Variants in SDK1 observed in about 807,000 individuals in gnomAD.
SDK1 encodes protein sidekick-1.
A neutral mutation model predicts 245.5 loss-of-function variants in SDK1; 157 were observed. That is an observed-to-expected ratio of 0.64 (90% confidence interval 0.56 to 0.73). The LOEUF is 0.73. Ranked by LOEUF, SDK1 falls within the 30% of genes least tolerant of loss-of-function variation. The pLI, the probability that SDK1 is intolerant of heterozygous loss-of-function variation, is 0.00. For missense variants in SDK1, 3,583 were observed against 3,002.3 expected, an observed-to-expected ratio of 1.19 and a Z score of -4.52; for synonymous variants, 1,647 against 1,278.5, an observed-to-expected ratio of 1.29 and a Z score of -6.15.
chr7:3,489,612 AAGATGTGATT>A (rs1238482603), intron 1 of SDK1, among the ~76,000 whole-genome samples: 18 of 152,224 alleles, frequency 1.2e-4, no homozygotes, highest in Non-Finnish European at 2.5e-4. Context: ...AGTGTAACTC[AAGATGTGATT>A]AGCTACCCAG....
intron 35 of SDK1, among the ~76,000 whole-genome samples, chr7:4,194,226 G>T (rs117104394): frequency 0.047 from 6,954 of 146,666 alleles, 333 homozygotes; most frequent in Non-Finnish European, 0.057. Context: ...ATGTATACAC[G>T]TATGTGTATA....
At chr7:3,562,193 A>G (rs1030709039) in intron 1 of SDK1, among the ~76,000 whole-genome samples, 29 of 152,246 alleles carry the variant, frequency 1.9e-4, no homozygotes, top group African/African-American at 6.8e-4. Flanking sequence ...TCCAAGTGCA[A>G]GACAGACTCT....
At chr7:3,814,101 A>G (rs1779451010) in intron 4 of SDK1, among the ~76,000 whole-genome samples, 1 of 139,666 alleles carries the variant, frequency 7.2e-6, no homozygotes, top group African/African-American at 2.8e-5. Context: ...TGCTGTGCAG[A>G]AGCTCTTTAG....
intron 1 of SDK1, among the ~76,000 whole-genome samples, chr7:3,526,021 G>C (rs961462885): frequency 6.6e-6 from 1 of 152,090 alleles, no homozygotes; most frequent in Admixed American, 6.5e-5. Context: ...AATCACCTGA[G>C]GTCGGGAGTT....
intron 2 of SDK1, among the ~76,000 whole-genome samples, chr7:3,637,882 C>T (rs759183035): frequency 6.6e-6 from 1 of 152,252 alleles, no homozygotes; most frequent in South Asian, 2.1e-4. Context: ...GCCCTGATGG[C>T]ATTGCTTTCT....
At chr7:3,836,740 A>G (rs1780036438) in intron 5 of SDK1, among the ~76,000 whole-genome samples, 1 of 152,234 alleles carries the variant, frequency 6.6e-6, no homozygotes, top group South Asian at 2.1e-4. Context: ...TTCCACAATG[A>G]GTATTTTCCC....
At chr7:3,438,384 C>T (rs184340527) in intron 1 of SDK1, among the ~76,000 whole-genome samples, 1 of 152,148 alleles carries the variant, frequency 6.6e-6, no homozygotes, top group African/African-American at 2.4e-5. Context: ...ATAATTTCTT[C>T]TTTACAATGA....
chr7:3,460,307 A>T (rs1780793715), intron 1 of SDK1, among the ~76,000 whole-genome samples: 1 of 152,206 alleles, frequency 6.6e-6, no homozygotes, highest in Admixed American at 6.5e-5. Flanking sequence ...GCTCTGAGAA[A>T]GAAATGAGTG....
intron 1 of SDK1, among the ~76,000 whole-genome samples, chr7:3,375,376 A>G (rs993231618): frequency 3.3e-5 from 5 of 152,304 alleles, no homozygotes; most frequent in South Asian, 2.1e-4. Flanking sequence ...TGTGTGTTCA[A>G]TGTATTTCAT....
At chr7:3,703,392 A>T (rs1379369921) in intron 4 of SDK1, among the ~76,000 whole-genome samples, 1 of 152,248 alleles carries the variant, frequency 6.6e-6, no homozygotes, top group East Asian at 1.9e-4. Context: ...GATTACATTT[A>T]TGTAACATTC....
chr7:3,676,437 T>G (rs921822138), intron 4 of SDK1, among the ~76,000 whole-genome samples: 11 of 150,292 alleles, frequency 7.3e-5, no homozygotes, highest in South Asian at 2.1e-4. Flanking sequence ...ACCATTCTCC[T>G]GCCTCAGCTT....
At chr7:4,056,952 C>T (rs557769885) in intron 19 of SDK1, among the ~76,000 whole-genome samples, 137 of 152,330 alleles carry the variant, frequency 9.0e-4, no homozygotes, top group African/African-American at 3.1e-3. Flanking sequence ...ACCACCACCA[C>T]TGCTGGCTGC....
intron 4 of SDK1, among the ~76,000 whole-genome samples, chr7:3,769,116 C>G (rs914133372): frequency 6.6e-6 from 1 of 152,176 alleles, no homozygotes; most frequent in Non-Finnish European, 1.5e-5. Flanking sequence ...ATTGCATGCA[C>G]TTTTAAGAAG....
intron 4 of SDK1, among the ~76,000 whole-genome samples, chr7:3,804,976 T>C (rs1391017818): frequency 1.3e-5 from 2 of 152,168 alleles, no homozygotes; most frequent in African/African-American, 2.4e-5. Context: ...TGACTATAGT[T>C]AACAACAGAG....
rs771321982 is a variant in SDK1 at position 4,265,190 on chromosome 7, C to T, written c.6448C>T (p.Pro2150Ser). The change falls in exon 45 of 45, where the codon CCC (proline) becomes TCC (serine). Residue 2150 changes from proline (P) to serine (S), a missense_variant. Coordinates refer to ENST00000404826, the MANE Select transcript of SDK1 (RefSeq NM_152744.4). ...CTTCGTGAACCACTACATGAGCGAC[C>T]CCACCTACTACAACTCATGGAAGCG... ...HSFVNHYMSDPTYYNSWKRRA... is the reference protein window; with the variant it reads ...HSFVNHYMSDSTYYNSWKRRA... 2.2e-5 allele frequency: 36 copies of T among 1,612,028 alleles called. No individual in the cohort carries two copies. In the South Asian group the frequency reaches 3.7e-4, roughly 17 times the overall value.
intron 25 of SDK1, among the ~76,000 whole-genome samples, chr7:4,114,902 G>C (rs370690928): frequency 6.6e-6 from 1 of 152,160 alleles, no homozygotes; most frequent in African/African-American, 2.4e-5. Flanking sequence ...ACGTCACTCT[G>C]TTCATCTTCT....
At chr7:3,913,191 C>G (rs1298452029) in intron 5 of SDK1, among the ~76,000 whole-genome samples, 1 of 152,164 alleles carries the variant, frequency 6.6e-6, no homozygotes, top group Non-Finnish European at 1.5e-5. Flanking sequence ...GCCTCCAGCT[C>G]CTGGCTCGCG....
chr7:3,467,239 A>G (rs909885158), intron 1 of SDK1, among the ~76,000 whole-genome samples: 5 of 152,068 alleles, frequency 3.3e-5, no homozygotes, highest in Non-Finnish European at 5.9e-5. Flanking sequence ...CATTTTTCCA[A>G]AAATTAAAAG....
At chr7:3,899,820 C>T (rs1385689605) in intron 5 of SDK1, among the ~76,000 whole-genome samples, 2 of 152,242 alleles carry the variant, frequency 1.3e-5, no homozygotes, top group Non-Finnish European at 2.9e-5. Context: ...GGGGGCGTTA[C>T]CAGGCCCCTG....
Sources: allele counts gnomAD v4.1 joint callset (sites outside exome capture counted in the v4.1 genomes callset), GRCh38; gene constraint gnomAD v4.1.1; transcripts MANE v1.5; gene names NCBI Gene and HGNC (gene_info 2026-07-23, HGNC 2026-07-21).